The following ANKRD13A variants were observed in gnomAD, a reference collection of about 807,000 sequenced individuals.
The protein encoded by ANKRD13A is ankyrin repeat domain 13A.
In ANKRD13A, 48 loss-of-function variants were observed where a neutral mutation model predicts 81.3. That is an observed-to-expected ratio of 0.59 (90% CI 0.47 to 0.75). ANKRD13A has a LOEUF of 0.75. Among genes scored for constraint, ANKRD13A ranks in the 30% least tolerant of loss-of-function variants. ANKRD13A has a pLI of 0.00. For synonymous variants in ANKRD13A, 230 were observed against 270.1 expected (o/e 0.85, Z 1.45); for missense variants, 612 against 734.0 (o/e 0.83, Z 1.92).
chr12:110,002,073 C>T (rs1251991489), intron 1 of ANKRD13A, among the ~76,000 whole-genome samples: 1 of 152,156 alleles, frequency 6.6e-6, no homozygotes, highest in Non-Finnish European at 1.5e-5. Context: ...AGCCACTGTG[C>T]CTTGCCCAAA....
At chr12:110,032,067 T>C (rs1033169719) in intron 12 of ANKRD13A, among the ~76,000 whole-genome samples, 3 of 152,226 alleles carry the variant, frequency 2.0e-5, no homozygotes, top group Admixed American at 6.5e-5. Context: ...CTTGACTTAC[T>C]GGACTGGCTA....
Position 110,024,773 on chromosome 12 carries a change from T to C in ANKRD13A, c.801+661T>C, listed in dbSNP as rs549003313. On this transcript the variant is annotated intron_variant, in intron 7 of 14. Transcript: ENST00000261739. ...CATTTAGAAGCACTTGTCATAGTGC[T>C]GAGTGTGTTTTCTGCAGCTTTGAAT... 3.3e-5 allele frequency among the ~76,000 whole-genome samples: 5 copies of C among 152,362 alleles called. No individual in the cohort carries two copies. In the South Asian group the frequency reaches 1.0e-3, roughly 32 times the overall value.
intron 7 of ANKRD13A, 63 bp downstream of exon 7, chr12:110,024,175 T>A: frequency 1.4e-6 from 2 of 1,449,920 alleles, no homozygotes; most frequent in Non-Finnish European, 1.9e-6. Flanking sequence ...AAATGAGGAA[T>A]CTGTTCCCAT....
chr12:110,033,846 C>G lies in ANKRD13A; in HGVS notation c.1398C>G (p.Pro466=), dbSNP rs746086710. Residue 466 remains proline, a synonymous_variant, in exon 13 of 15, where the codon CCC becomes CCG. Coordinates refer to ENST00000261739, the MANE Select transcript of ANKRD13A (RefSeq NM_033121.2). The part of the protein sequence containing the change: ...FEVDQSVFEI[P]ESYYVQDNGR... ...TTGATCAATCTGTGTTTGAAATTCC[C>G]GAATCTTACTATGTTCAAGACAATG... is the stretch of plus-strand genomic sequence containing the variant. 6.2e-7 allele frequency: 1 copy of G among 1,610,040 alleles called. No individual in the cohort carries two copies. The highest frequency in any genetic ancestry group is 8.5e-7 in the Non-Finnish European group (1 of 1,178,178).
chr12:110,002,310 A>G (rs2137072051), intron 1 of ANKRD13A, among the ~76,000 whole-genome samples: 1 of 152,254 alleles, frequency 6.6e-6, no homozygotes, highest in African/African-American at 2.4e-5. Flanking sequence ...TATTGATTGC[A>G]TAATTAAAAA....
chr12:110,031,225 C>CA lies in ANKRD13A; in HGVS notation c.1348+476dup, dbSNP rs970468767. Among the ~76,000 whole-genome samples the CA allele has an allele frequency of 7.4e-5, 11 of 148,668 alleles. No homozygotes were observed. The South Asian group carries it at 1.1e-3, about 14-fold the overall frequency. ...AATTTCAGATTTAGTTTAGATTAAGCAAAAAAAAACTTGTAGAATATATAT... is the reference window on the plus strand; with the variant it reads ...AATTTCAGATTTAGTTTAGATTAAGCAAAAAAAAAACTTGTAGAATATATAT... On this transcript the variant is annotated intron_variant, in intron 12 of 14. Coordinates refer to ENST00000261739, the MANE Select transcript of ANKRD13A (RefSeq NM_033121.2).
In ANKRD13A at chr12:110,038,403, A is replaced by G. The variant is rs1264813535; in HGVS notation, c.*849A>G. 1 of 152,622 alleles carries G rather than the reference A, an allele frequency of 6.6e-6. No individual in the cohort carries two copies. The highest frequency in any genetic ancestry group is 1.9e-4 in the East Asian group (1 of 5,186). 9.5% of individuals were successfully genotyped at this position (152,622 alleles called of 1,614,324 possible). On this transcript the variant is annotated 3_prime_UTR_variant, in exon 15 of 15. Coordinates refer to ENST00000261739, the MANE Select transcript of ANKRD13A (RefSeq NM_033121.2). ...TGTTCTTGAAGTGGGCAAGCTGGCC[A>G]AAATATTGGAACACACAGAACCAAA...
At position 110,013,131 on chromosome 12, in the gene ANKRD13A, A is replaced by G; in HGVS notation, c.236A>G (p.His79Arg). The change falls in exon 3 of 15, where the codon CAT becomes CGT. Residue 79 changes from histidine to arginine, a missense_variant. Transcript: ENST00000261739. ...KENRQGWTVL[H>R]EAVSTGDPEM... Reference sequence around the variant, plus strand: ...TCACCCTTTTGTTTTCTAGTTTTACATGAGGCTGTGAGCACTGGCGATCCT... The same window carrying G: ...TCACCCTTTTGTTTTCTAGTTTTACGTGAGGCTGTGAGCACTGGCGATCCT... 5 of 1,613,692 alleles carry G rather than the reference A, an allele frequency of 3.1e-6. No individual in the cohort carries two copies. Among genetic ancestry groups the G allele is most frequent in the Non-Finnish European group, 4.2e-6 (5 of 1,179,884 alleles).
At chr12:110,031,318 C>A (rs1237636201) in intron 12 of ANKRD13A, among the ~76,000 whole-genome samples, 1 of 149,656 alleles carries the variant, frequency 6.7e-6, no homozygotes, top group African/African-American at 2.4e-5. Flanking sequence ...AATGTACATA[C>A]AATAAAATGC....
Position 110,029,588 on chromosome 12 carries a change from G to A in ANKRD13A, c.1187G>A (p.Arg396Lys). The A allele has an allele frequency of 1.9e-6, 3 of 1,613,944 alleles. No individual in the cohort carries two copies. Among genetic ancestry groups the A allele is most frequent in the Middle Eastern group, 1.7e-4 (1 of 6,060 alleles). ...ARTSAHFARLRDFIKLEFPPG... is the reference protein window; with the variant it reads ...ARTSAHFARLKDFIKLEFPPG... ...ACGAGTGCTCATTTTGCAAGACTGA[G>A]AGATTTCATCAAATTGGAATTCCCA... The change falls in exon 11 of 15, where the codon AGA becomes AAA. Residue 396 changes from arginine to lysine, a missense_variant. Transcript: ENST00000261739.
rs1409794845 is a variant in ANKRD13A at position 110,028,440 on chromosome 12, ACT to A, written c.946-71_946-70del. On this transcript the variant is annotated intron_variant, in intron 9 of 14. Coordinates refer to ENST00000261739, the MANE Select transcript of ANKRD13A (RefSeq NM_033121.2). ...GCTGGTTAACACGTCCACCTCAGAC[ACT>A]GAGTGCCACAGGCCTTCACTTGTGA... 18 of 1,576,612 alleles carry A rather than the reference ACT, an allele frequency of 1.1e-5. No homozygotes were observed. In the Admixed American group the frequency reaches 3.2e-4, roughly 28 times the overall value.
At chr12:110,026,617 C>T in intron 8 of ANKRD13A, among the ~76,000 whole-genome samples, 2 of 151,614 alleles carry the variant, frequency 1.3e-5, no homozygotes, top group East Asian at 3.9e-4. Flanking sequence ...CACGGTGGCT[C>T]ACACCTGTAA....
At chr12:110,025,992 C>T (rs1395358982) in intron 8 of ANKRD13A, among the ~76,000 whole-genome samples, 169 bp downstream of exon 8, 2 of 149,966 alleles carry the variant, frequency 1.3e-5, no homozygotes, top group Non-Finnish European at 3.0e-5. Context: ...GGCAAAGTCT[C>T]GCCCTGTCAC....
chr12:110,005,198 C>T (rs1034967033), intron 1 of ANKRD13A, among the ~76,000 whole-genome samples: 7 of 152,002 alleles, frequency 4.6e-5, no homozygotes, highest in African/African-American at 1.7e-4. Flanking sequence ...CTTGCCTAGG[C>T]TGGCACCATC....
chr12:110,029,705 G>A lies in ANKRD13A; in HGVS notation c.1234+70G>A. 2.6e-6 allele frequency: 4 copies of A among 1,564,574 alleles called. No individual in the cohort carries two copies. In the South Asian group the frequency reaches 3.4e-5, roughly 13 times the overall value. On this transcript the variant is annotated intron_variant, in intron 11 of 14. Coordinates refer to ENST00000261739, the MANE Select transcript of ANKRD13A (RefSeq NM_033121.2). ...GTTTGTGGGTGGCAGCATGTGGGTG[G>A]CAGGATGCTTCAGGGAATTGGAGTG...
Position 110,025,779 on chromosome 12 carries a change from T to C in ANKRD13A, c.839T>C (p.Ile280Thr). Reference sequence around the variant, plus strand: ...AACAATGTGAATGTGATCACCAAAATACGCACAGAACATCTGACCGAGGAG... The same window carrying C: ...AACAATGTGAATGTGATCACCAAAACACGCACAGAACATCTGACCGAGGAG... ...TVNNVNVITK[I>T]RTEHLTEEEK... Residue 280 changes from isoleucine to threonine, a missense_variant, in exon 8 of 15, where the codon ATA becomes ACA. By Grantham distance (89) the Ile-to-Thr change is moderately conservative. Coordinates refer to ENST00000261739, the MANE Select transcript of ANKRD13A (RefSeq NM_033121.2). 6.2e-7 allele frequency: 1 copy of C among 1,613,808 alleles called. No homozygotes were observed. Among genetic ancestry groups the C allele is most frequent in the African/African-American group, 1.3e-5 (1 of 74,998 alleles).
chr12:110,035,866 G>A (rs774659324), intron 13 of ANKRD13A, among the ~76,000 whole-genome samples: 1 of 152,108 alleles, frequency 6.6e-6, no homozygotes, highest in South Asian at 2.1e-4. Flanking sequence ...AGTGAGCTAC[G>A]ATCACATCAC....
Position 110,037,787 on chromosome 12 carries a change from GAGA to G in ANKRD13A, c.*234_*236del. The G allele has an allele frequency of 2.4e-6, 1 of 421,392 alleles. No homozygotes were observed. Among genetic ancestry groups the G allele is most frequent in the East Asian group, 3.7e-5 (1 of 26,934 alleles). The allele number at this position is 421,392 out of a possible 1,614,324, so 26.1% of individuals were successfully genotyped here. ...GGCCCCATCTCCAGGCTAAGGGGAG[GAGA>G]GCATCATCACTTTCCATTAGCTGTA... On this transcript the variant is annotated 3_prime_UTR_variant, in exon 15 of 15. Transcript: ENST00000261739.
At position 110,028,561 on chromosome 12, in the gene ANKRD13A, C is replaced by T; in HGVS notation, c.995C>T (p.Pro332Leu). Residue 332 changes from proline to leucine, a missense_variant, in exon 10 of 15, where the codon CCT becomes CTT. Coordinates refer to ENST00000261739, the MANE Select transcript of ANKRD13A (RefSeq NM_033121.2). ...GCAAACAACCCCACAGCCATCACGC[C>T]TGATGAGTACTTCAATGAAGAGTTT... ...ATANNPTAIT[P>L]DEYFNEEFDL... 6.2e-7 allele frequency: 1 copy of T among 1,614,172 alleles called. No homozygotes were observed. The highest frequency in any genetic ancestry group is 2.2e-5 in the East Asian group (1 of 44,888).
Sources: gnomAD v4.1 joint callset for allele counts (sites outside exome capture counted in the v4.1 genomes callset) on GRCh38, gnomAD v4.1.1 for gene constraint, MANE v1.5 for transcripts, NCBI Gene and HGNC (gene_info 2026-07-23, HGNC 2026-07-21) for gene names.